ANXA3: variants seen among roughly 807,000 people sequenced by gnomAD.
ANXA3 encodes the protein 35-alpha calcimedin.
In ANXA3, 46 loss-of-function variants were observed where a neutral mutation model predicts 48.8. The ratio of observed to expected loss-of-function variants is 0.94; its 90% CI spans 0.74 to 1.21. ANXA3 has a LOEUF of 1.21. Ranked by LOEUF, ANXA3 falls within the 50% of genes most tolerant of loss-of-function variation. The pLI is 0.00. For synonymous variants in ANXA3, 128 were observed against 134.7 expected (o/e 0.95, Z 0.35); for missense variants, 383 against 378.6 (o/e 1.01, Z -0.10).
At chr4:78,560,378 A>G (rs1306964926) in intron 2 of ANXA3, among the ~76,000 whole-genome samples, 1 of 152,176 alleles carries the variant, frequency 6.6e-6, no homozygotes, top group Non-Finnish European at 1.5e-5. Context: ...ATTCCCTAGA[A>G]TGATTCACAG....
At chr4:78,554,616 A>G in intron 2 of ANXA3, 128 bp downstream of exon 2, 1 of 765,676 alleles carries the variant, frequency 1.3e-6, no homozygotes, top group East Asian at 2.5e-5. Context: ...ACATGCTAGA[A>G]AAGCCAGAGG....
At chr4:78,554,162 AG>A in intron 1 of ANXA3, 1 of 272,486 alleles carries the variant, frequency 3.7e-6, no homozygotes, top group Non-Finnish European at 6.9e-6. Flanking sequence ...CTTTTCAGGA[AG>A]TATATTTGTA....
chr4:78,607,840 G>A (rs1292265812), intron 12 of ANXA3, among the ~76,000 whole-genome samples: 1 of 152,152 alleles, frequency 6.6e-6, no homozygotes. Flanking sequence ...AGTGTCTCCT[G>A]TGGGCCAGGT....
intron 2 of ANXA3, among the ~76,000 whole-genome samples, chr4:78,560,151 G>A (rs1023117791): frequency 2.0e-5 from 3 of 151,964 alleles, no homozygotes; most frequent in African/African-American, 7.3e-5. Context: ...TATTTCTAAA[G>A]ACATAAAATA....
intron 4 of ANXA3, 64 bp from the exon 5 acceptor site, chr4:78,582,113 A>G (rs1723082972): frequency 1.0e-6 from 1 of 997,518 alleles, no homozygotes; most frequent in African/African-American, 1.6e-5. Flanking sequence ...ATCTTTCACT[A>G]GGTGACTTTA....
In ANXA3 at chr4:78,597,331, A is replaced by G. The variant is rs538516109; in HGVS notation, c.647A>G (p.Tyr216Cys). ...TGCTTCTTTTTAGCATTTGATGAAT[A>G]CAGAAATATCAGCCAAAAGGACATT... ...FPQLKLTFDE[Y>C]RNISQKDIVD... Residue 216 changes from tyrosine (Y) to cysteine (C), a missense_variant, in exon 10 of 13, where the codon TAC becomes TGC. Physicochemically the swap from Tyr to Cys is radical, Grantham distance 194. Transcript: ENST00000264908. 2 of 1,606,616 alleles carry G rather than the reference A, an allele frequency of 1.2e-6. No individual in the cohort carries two copies. The highest frequency in any genetic ancestry group is 4.5e-5 in the East Asian group (2 of 44,748).
At chr4:78,600,597 C>G (rs1218496233) in intron 10 of ANXA3, among the ~76,000 whole-genome samples, 1 of 152,178 alleles carries the variant, frequency 6.6e-6, no homozygotes, top group Non-Finnish European at 1.5e-5. Context: ...TAATACATTT[C>G]TCCTTCTATT....
chr4:78,579,115 T>C lies in ANXA3; in HGVS notation c.192T>C (p.Tyr64=). Residue 64 remains tyrosine (Y), a synonymous_variant, in exon 4 of 13, where the codon TAT becomes TAC. Transcript: ENST00000264908. ...QLIVKEYQAA[Y]GKELKDDLKG... is the part of the protein sequence containing the mutation. ...TTGTTAAGGAATATCAAGCAGCATA[T>C]GGAAAGGTAAGGTCACATTAACATG... 1.9e-6 allele frequency: 3 copies of C among 1,608,152 alleles called. No individual in the cohort carries two copies. Among genetic ancestry groups the C allele is most frequent in the Non-Finnish European group, 8.5e-7 (1 of 1,175,252 alleles).
chr4:78,595,511 G>T (rs1723402420), intron 8 of ANXA3, 74 bp downstream of exon 8: 2 of 1,469,810 alleles, frequency 1.4e-6, no homozygotes, highest in Admixed American at 2.0e-5. Context: ...ATGTGAAAAG[G>T]GAGAAAAATA....
intron 9 of ANXA3, among the ~76,000 whole-genome samples, chr4:78,596,295 C>A (rs1560450144): frequency 6.6e-6 from 1 of 152,222 alleles, no homozygotes; most frequent in Non-Finnish European, 1.5e-5. Context: ...GTTGACACAT[C>A]AATACTGATT....
intron 7 of ANXA3, among the ~76,000 whole-genome samples, chr4:78,594,678 G>A (rs1723376411): frequency 6.6e-6 from 1 of 152,154 alleles, no homozygotes; most frequent in Non-Finnish European, 1.5e-5. Flanking sequence ...CGTCTTCTTT[G>A]GTGAGATGTC....
intron 2 of ANXA3, among the ~76,000 whole-genome samples, chr4:78,555,500 C>T (rs1254253480): frequency 4.6e-5 from 7 of 151,944 alleles, no homozygotes; most frequent in Non-Finnish European, 1.0e-4. Flanking sequence ...TTGTAAGGGA[C>T]ATAAACAGGA....
rs549798080 is a variant in ANXA3, at chr4:78,597,946, TG to T, written c.730+533del. Among the ~76,000 whole-genome samples the T allele has an allele frequency of 1.1e-3, 174 of 152,344 alleles. 2 individuals carry two copies. Among genetic ancestry groups the T allele is most frequent in the African/African-American group, 4.0e-3 (168 of 41,578 alleles). On this transcript the variant is annotated intron_variant, in intron 10 of 12. Transcript: ENST00000264908. ...TAAATCTTACCTTGCTTTTTAAATT[TG>T]TATTTGTCTTGTGACCATGTTTAGC... is the stretch of plus-strand genomic sequence containing the variant.
Position 78,569,842 on chromosome 4 carries a change from G to A in ANXA3, c.16-3338G>A, listed in dbSNP as rs1202273836. Among the ~76,000 whole-genome samples, 3 of 152,316 alleles carry A rather than the reference G, an allele frequency of 2.0e-5. No individual in the cohort carries two copies. The East Asian group carries it at 5.8e-4, about 29-fold the overall frequency. On this transcript the variant is annotated intron_variant, in intron 2 of 12. Transcript: ENST00000264908. The stretch of plus-strand genomic sequence containing the variant: ...TAAGGTGATGGGTTTGAGTCCTGGG[G>A]CTGTCCTTATTAGCAGAGCTCTTTT...
chr4:78,599,089 C>T (rs931441005), intron 10 of ANXA3, among the ~76,000 whole-genome samples: 5 of 152,128 alleles, frequency 3.3e-5, no homozygotes, highest in African/African-American at 1.2e-4. Flanking sequence ...TTGTTTCAGT[C>T]TACCATTGGA....
chr4:78,585,930 T>C (rs1723165674), intron 5 of ANXA3, among the ~76,000 whole-genome samples: 1 of 152,228 alleles, frequency 6.6e-6, no homozygotes, highest in African/African-American at 2.4e-5. Context: ...TTTCTAAACA[T>C]AGTGGAATGT....
intron 10 of ANXA3, among the ~76,000 whole-genome samples, chr4:78,598,292 C>CTT (rs57940281): frequency 4.2e-5 from 6 of 143,678 alleles, no homozygotes; most frequent in African/African-American, 1.0e-4. Context: ...TTCTTTCTTT[C>CTT]TTTTTTTTTT....
At chr4:78,568,252 G>A (rs1722770330) in intron 2 of ANXA3, among the ~76,000 whole-genome samples, 1 of 152,176 alleles carries the variant, frequency 6.6e-6, no homozygotes, top group Admixed American at 6.5e-5. Context: ...TTTGAAAAAT[G>A]CTTTTTACTG....
chr4:78,573,345 A>G, intron 3 of ANXA3, 78 bp downstream of exon 3: 2 of 1,057,784 alleles, frequency 1.9e-6, no homozygotes, highest in Non-Finnish European at 2.9e-6. Flanking sequence ...CAGTTTGCTC[A>G]GATTGGCTTA....
Sources: gnomAD v4.1 joint callset for allele counts (sites outside exome capture counted in the v4.1 genomes callset) on GRCh38, gnomAD v4.1.1 for gene constraint, MANE v1.5 for transcripts, NCBI Gene and HGNC (gene_info 2026-07-23, HGNC 2026-07-21) for gene names.